PRORP: variants seen among roughly 807,000 people sequenced by gnomAD.
The protein encoded by PRORP is protein only RNase P catalytic subunit.
A neutral mutation model predicts 59.4 loss-of-function variants in PRORP; 51 were observed. That is an observed-to-expected ratio of 0.86 (90% CI 0.69 to 1.08). The LOEUF (loss-of-function observed/expected upper bound fraction) is 1.08. PRORP is among the 50% of genes least tolerant of loss of function. The pLI is 0.00. For missense variants in PRORP, 646 were observed against 690.3 expected, an observed-to-expected ratio of 0.94 and a Z score of 0.72; for synonymous variants, 231 against 245.6, an observed-to-expected ratio of 0.94 and a Z score of 0.55.
intron 5 of PRORP, among the ~76,000 whole-genome samples, chr14:35,241,047 TTAAC>T (rs2050353191): frequency 1.3e-5 from 2 of 152,166 alleles, no homozygotes; most frequent in African/African-American, 4.8e-5. Flanking sequence ...TCACATTATA[TTAAC>T]TATTATAAGT....
intron 4 of PRORP, among the ~76,000 whole-genome samples, chr14:35,154,122 C>T (rs1248694137): frequency 2.6e-5 from 4 of 152,176 alleles, no homozygotes; most frequent in Non-Finnish European, 5.9e-5. Context: ...TAACACATAA[C>T]ACATAGTTAT....
chr14:35,184,493 A>G (rs2048695116), intron 5 of PRORP, among the ~76,000 whole-genome samples: 1 of 152,104 alleles, frequency 6.6e-6, no homozygotes, highest in Non-Finnish European at 1.5e-5. Flanking sequence ...ACACTGTTAC[A>G]CTGTTTAATT....
chr14:35,187,909 G>A (rs907275029), intron 5 of PRORP, among the ~76,000 whole-genome samples: 1 of 149,526 alleles, frequency 6.7e-6, no homozygotes, highest in Non-Finnish European at 1.5e-5. Context: ...GTGGTGCAGT[G>A]GTGCGATCTC....
At chr14:35,194,544 G>A (rs961726081) in intron 5 of PRORP, among the ~76,000 whole-genome samples, 1 of 152,158 alleles carries the variant, frequency 6.6e-6, no homozygotes, top group Admixed American at 6.5e-5. Flanking sequence ...GGGATGAGGG[G>A]CTAGGGGAGG....
intron 3 of PRORP, among the ~76,000 whole-genome samples, chr14:35,127,118 G>A (rs545051090): frequency 2.6e-5 from 4 of 152,160 alleles, no homozygotes; most frequent in South Asian, 4.1e-4. Flanking sequence ...TGAGCTGGGC[G>A]CGGTGGCTCA....
intron 5 of PRORP, among the ~76,000 whole-genome samples, chr14:35,209,563 G>GT (rs2049383957): frequency 6.6e-6 from 1 of 151,774 alleles, no homozygotes; most frequent in Non-Finnish European, 1.5e-5. Flanking sequence ...GTTTTGTTTT[G>GT]TTTTTTGAGA....
At chr14:35,201,963 A>C (rs570265475) in intron 5 of PRORP, among the ~76,000 whole-genome samples, 6 of 131,174 alleles carry the variant, frequency 4.6e-5, no homozygotes, top group Admixed American at 2.4e-4. Context: ...CCGCCACAAA[A>C]TTATTATTAT....
At chr14:35,177,382 T>C (rs2048480547) in intron 4 of PRORP, among the ~76,000 whole-genome samples, 2 of 152,198 alleles carry the variant, frequency 1.3e-5, no homozygotes, top group Admixed American at 1.3e-4. Context: ...CTGGACTTTT[T>C]TTGGTTTGTA....
intron 5 of PRORP, among the ~76,000 whole-genome samples, chr14:35,238,873 G>C (rs4981279): frequency 0.7 from 106,494 of 152,056 alleles, 38,028 homozygotes; most frequent in Admixed American, 0.79. Context: ...ATAAATGTAT[G>C]ACATTGTGCT....
chr14:35,153,263 G>A (rs1208943998), intron 4 of PRORP, among the ~76,000 whole-genome samples: 3 of 152,228 alleles, frequency 2.0e-5, no homozygotes, highest in African/African-American at 4.8e-5. Flanking sequence ...GGCGGTGCGC[G>A]CCTGCAATTG....
intron 5 of PRORP, among the ~76,000 whole-genome samples, chr14:35,206,686 A>C (rs2049303332): frequency 6.6e-6 from 1 of 152,142 alleles, no homozygotes; most frequent in Non-Finnish European, 1.5e-5. Context: ...CCATCCCACC[A>C]CCACTATTTA....
At chr14:35,198,512 C>T (rs1217081134) in intron 5 of PRORP, among the ~76,000 whole-genome samples, 1 of 152,218 alleles carries the variant, frequency 6.6e-6, no homozygotes, top group Non-Finnish European at 1.5e-5. Flanking sequence ...CCCTTTGACT[C>T]TTGGAAAATA....
At chr14:35,196,007 C>G (rs2048999113) in intron 5 of PRORP, among the ~76,000 whole-genome samples, 1 of 152,168 alleles carries the variant, frequency 6.6e-6, no homozygotes. Context: ...AATATCAAAG[C>G]AATGTAATTG....
At position 35,202,872 on chromosome 14, in the gene PRORP, A is replaced by G. The variant is rs561107002; in HGVS notation, c.1275+22095A>G. Among the ~76,000 whole-genome samples, 29 of 152,234 alleles carry G rather than the reference A, an allele frequency of 1.9e-4. No individual in the cohort carries two copies. In the South Asian group the frequency reaches 6.0e-3, roughly 32 times the overall value. On this transcript the variant is annotated intron_variant, in intron 5 of 7. Coordinates refer to ENST00000534898, the MANE Select transcript of PRORP (RefSeq NM_014672.4). ...TGGTCTTGAACTCCTGGCCTCAAGC[A>G]ATCCCCTCACCTTAGCCTCCCAAAG...
intron 4 of PRORP, among the ~76,000 whole-genome samples, chr14:35,175,719 T>G (rs1566476858): frequency 6.6e-6 from 1 of 152,080 alleles, no homozygotes; most frequent in Non-Finnish European, 1.5e-5. Flanking sequence ...TAGGTTCTTT[T>G]GCTGTGCAGA....
chr14:35,274,684 C>G lies in PRORP; in HGVS notation c.*1118C>G, dbSNP rs2051273136. ...AAGTGCTGGAATTGCAGACTTGAGCCACAGTGCCCAGCCTCACTTCTCTAG... is the reference window on the plus strand; with the variant it reads ...AAGTGCTGGAATTGCAGACTTGAGCGACAGTGCCCAGCCTCACTTCTCTAG... On this transcript the variant is annotated 3_prime_UTR_variant, in exon 8 of 8. Transcript: ENST00000534898. The G allele has an allele frequency of 6.6e-6, 1 of 152,150 alleles. No homozygotes were observed. The highest frequency in any genetic ancestry group is 1.5e-5 in the Non-Finnish European group (1 of 68,048). The allele number at this position is 152,150 out of a possible 1,614,324, so 9.4% of individuals were successfully genotyped here.
At chr14:35,240,294 C>CTTT (rs3058452) in intron 5 of PRORP, among the ~76,000 whole-genome samples, 13,026 of 108,122 alleles carry the variant, frequency 0.12, 716 homozygotes, top group Admixed American at 0.19. Flanking sequence ...TTTAAACCAT[C>CTTT]TTTTTTTTTT....
Position 35,133,824 on chromosome 14 carries a change from TAAAC to T in PRORP, c.1167+6219_1167+6222del, listed in dbSNP as rs963673241. 9.2e-5 allele frequency among the ~76,000 whole-genome samples: 14 copies of T among 152,308 alleles called. No individual in the cohort carries two copies. In the South Asian group the frequency reaches 1.0e-3, roughly 11 times the overall value. ...CTTGTTCTCTTCCCTTACTTTTTCC[TAAAC>T]AAACAGTCTCTCCCTCTCATTCTGA... On this transcript the variant is annotated intron_variant, in intron 4 of 7. Transcript: ENST00000534898.
intron 4 of PRORP, among the ~76,000 whole-genome samples, chr14:35,168,323 G>A (rs2048234921): frequency 6.6e-6 from 1 of 152,058 alleles, no homozygotes; most frequent in African/African-American, 2.4e-5. Flanking sequence ...ATGATTTCTT[G>A]CTATGGTTTT....
Sources: gnomAD v4.1 joint callset for allele counts (sites outside exome capture counted in the v4.1 genomes callset) on GRCh38, gnomAD v4.1.1 for gene constraint, MANE v1.5 for transcripts, NCBI Gene and HGNC (gene_info 2026-07-23, HGNC 2026-07-21) for gene names.